The following DYRK3 variants were observed in gnomAD, a reference collection of about 807,000 sequenced individuals.
DYRK3 encodes the protein dual specificity tyrosine phosphorylation regulated kinase 3.
Under a neutral mutation model 40.8 loss-of-function variants are expected in DYRK3, and 30 were observed. The ratio of observed to expected loss-of-function variants is 0.74; its 90% confidence interval spans 0.55 to 1.00. The LOEUF (loss-of-function observed/expected upper bound fraction) is 1.00, where lower values mean the gene tolerates loss of function less well. Among genes scored for constraint, DYRK3 ranks in the 50% least tolerant of loss-of-function variants. The pLI is 0.00. For synonymous variants in DYRK3, 272 were observed against 260.7 expected, an observed-to-expected ratio of 1.04 and a Z score of -0.42; for missense variants, 699 against 731.5, an observed-to-expected ratio of 0.96 and a Z score of 0.51.
At position 206,648,290 on chromosome 1, in the gene DYRK3, G is replaced by A. The variant is rs1671524118; in HGVS notation, c.1092G>A (p.Gln364=). 13 of 1,613,738 alleles carry A rather than the reference G, an allele frequency of 8.1e-6. No homozygotes were observed. The highest frequency in any genetic ancestry group is 1.1e-5 in the Non-Finnish European group (13 of 1,179,900). ...TTGGGTCCAGCTGTTTCGAGTACCAGAAGCTCTACACATATATCCAGTCTC... is the reference window on the plus strand; with the variant it reads ...TTGGGTCCAGCTGTTTCGAGTACCAAAAGCTCTACACATATATCCAGTCTC... ...IDFGSSCFEY[Q]KLYTYIQSRF... Residue 364 remains glutamine, a synonymous_variant, in exon 3 of 3, where the codon CAG becomes CAA. Coordinates refer to ENST00000367109, the MANE Select transcript of DYRK3 (RefSeq NM_003582.4).
At position 206,642,401 on chromosome 1, in the gene DYRK3, C is replaced by G. The variant is rs547874230; in HGVS notation, c.189+4640C>G. Among the ~76,000 whole-genome samples the G allele has an allele frequency of 3.3e-5, 5 of 152,198 alleles. No individual in the cohort carries two copies. The South Asian group carries it at 1.0e-3, about 32-fold the overall frequency. On this transcript the variant is annotated intron_variant, in intron 2 of 2. Transcript: ENST00000367109. ...CCTCAAGGATCTAGAACTAGAAATA[C>G]CATTTGACCCAGCCATCCCATTACT... is the stretch of plus-strand genomic sequence containing the variant.
intron 1 of DYRK3, chr1:206,637,096 T>A: frequency 1.5e-6 from 1 of 669,602 alleles, no homozygotes; most frequent in Non-Finnish European, 2.6e-6. Flanking sequence ...AAGACAGCCT[T>A]AAAAAGGCCT....
At chr1:206,640,227 C>T (rs781817961) in intron 2 of DYRK3, among the ~76,000 whole-genome samples, 2 of 152,106 alleles carry the variant, frequency 1.3e-5, no homozygotes, top group South Asian at 2.1e-4. Flanking sequence ...TGAGCCACCA[C>T]GCCTGGCTGT....
In DYRK3 at chr1:206,653,042, GAC is replaced by G. The variant is rs1553421498; in HGVS notation, c.*4079_*4080del. Among the ~76,000 whole-genome samples the G allele has an allele frequency of 6.6e-6, 1 of 151,822 alleles. No homozygotes were observed. Among genetic ancestry groups the G allele is most frequent in the African/African-American group, 2.4e-5 (1 of 41,298 alleles). ...CTTTTTCTTTATTTTTTCTTTTTGA[GAC>G]AGAGTCTCGCTCTGTCGTCCAGGCT... On this transcript the variant is annotated 3_prime_UTR_variant, in exon 3 of 3. Transcript: ENST00000367109.
Position 206,647,490 on chromosome 1 carries a change from A to G in DYRK3, c.292A>G (p.Asn98Asp). 1 of 1,614,182 alleles carries G rather than the reference A, an allele frequency of 6.2e-7. No homozygotes were observed. Among genetic ancestry groups the G allele is most frequent in the Non-Finnish European group, 8.5e-7 (1 of 1,180,038 alleles). The stretch of plus-strand genomic sequence containing the variant: ...TCAAGAATTTGGCAACAGAAAATCC[A>G]ATACTATTCAGTCAGATGGCATCAG... ...LFQEFGNRKSNTIQSDGISDS... is the reference protein window; with the variant it reads ...LFQEFGNRKSDTIQSDGISDS... Residue 98 changes from asparagine (N) to aspartate (D), a missense_variant, in exon 3 of 3, where the codon AAT (asparagine) becomes GAT (aspartate). Coordinates refer to ENST00000367109, the MANE Select transcript of DYRK3 (RefSeq NM_003582.4).
chr1:206,644,918 A>G (rs1671407127), intron 2 of DYRK3, among the ~76,000 whole-genome samples: 1 of 152,186 alleles, frequency 6.6e-6, no homozygotes, highest in East Asian at 1.9e-4. Flanking sequence ...GAGAGACTAT[A>G]TGTACTTGGG....
Position 206,635,631 on chromosome 1 carries a change from T to C in DYRK3, c.-73T>C. On this transcript the variant is annotated 5_prime_UTR_variant, in exon 1 of 3. Coordinates refer to ENST00000367109, the MANE Select transcript of DYRK3 (RefSeq NM_003582.4). ...GAGCGTCGCGCCGCGGAGGCAGCCG[T>C]CCCGGCGTAGGTGGCGTGGCCGACC... 1 of 1,239,494 alleles carries C rather than the reference T, an allele frequency of 8.1e-7. No homozygotes were observed. The allele number at this position is 1,239,494 out of a possible 1,614,324, so 76.8% of individuals were successfully genotyped here.
Position 206,648,227 on chromosome 1 carries a change from G to A in DYRK3, c.1029G>A (p.Leu343=), listed in dbSNP as rs782777177. The part of the protein sequence containing the change: ...HCDLKPENIL[L]KHHGRSSTKV... ...ATCTGAAGCCAGAAAACATTCTCCT[G>A]AAACACCACGGGCGCAGTTCAACCA... is the stretch of plus-strand genomic sequence containing the variant. The change falls in exon 3 of 3, where the codon CTG becomes CTA. Residue 343 remains leucine, a synonymous_variant. Transcript: ENST00000367109. 1 of 1,614,160 alleles carries A rather than the reference G, an allele frequency of 6.2e-7. No homozygotes were observed. The highest frequency in any genetic ancestry group is 1.1e-5 in the South Asian group (1 of 91,080).
At chr1:206,636,012 A>G in intron 1 of DYRK3, 1 of 1,438,040 alleles carries the variant, frequency 7.0e-7, no homozygotes. Flanking sequence ...TAGAGCAAGA[A>G]GAATTTCCAC....
rs1553420064 is a variant in DYRK3, at chr1:206,646,091, C to A, written c.190-1297C>A. ...TATCGAACTTCTAACCTCAAGTGAT[C>A]CACCTGCCTTGGCCTCCCAGAGTGC... On this transcript the variant is annotated intron_variant, in intron 2 of 2. Transcript: ENST00000367109. Among the ~76,000 whole-genome samples the A allele has an allele frequency of 2.6e-5, 4 of 152,162 alleles. No individual in the cohort carries two copies. The South Asian group carries it at 6.2e-4, about 24-fold the overall frequency.
chr1:206,635,978 C>T lies in DYRK3; in HGVS notation c.77+198C>T, dbSNP rs1469856448. On this transcript the variant is annotated intron_variant, in intron 1 of 2. Transcript: ENST00000367109. ...CCCCCCATCCCTGTCTCACCGGGCG[C>T]GGGGGACGGGGCTAGAGCGGAGTTA... 4 of 1,341,124 alleles carry T rather than the reference C, an allele frequency of 3.0e-6. No individual in the cohort carries two copies. In the Admixed American group the frequency reaches 9.9e-5, roughly 33 times the overall value. 83.1% of individuals were successfully genotyped at this position (1,341,124 alleles called of 1,614,324 possible).
chr1:206,640,622 C>T (rs1166820050), intron 2 of DYRK3, among the ~76,000 whole-genome samples: 1 of 147,630 alleles, frequency 6.8e-6, no homozygotes, highest in Non-Finnish European at 1.5e-5. Context: ...ACTATCTCGG[C>T]TCATTGCAAG....
chr1:206,642,855 C>T (rs1163084787), intron 2 of DYRK3, among the ~76,000 whole-genome samples: 2 of 151,942 alleles, frequency 1.3e-5, no homozygotes, highest in Non-Finnish European at 2.9e-5. Flanking sequence ...AGCACACCAA[C>T]ATGGCACATG....
chr1:206,649,942 C>CA lies in DYRK3; in HGVS notation c.*978dup, dbSNP rs1180271410. Among the ~76,000 whole-genome samples, 1 of 152,212 alleles carries CA rather than the reference C, an allele frequency of 6.6e-6. No homozygotes were observed. The highest frequency in any genetic ancestry group is 1.5e-5 in the Non-Finnish European group (1 of 68,038). On this transcript the variant is annotated 3_prime_UTR_variant, in exon 3 of 3. Coordinates refer to ENST00000367109, the MANE Select transcript of DYRK3 (RefSeq NM_003582.4). ...CTTCAATGTGCCACATTTTTCCCCC[C>CA]ACTTTCACGTTAAGCTTAATGCTAT...
Position 206,652,046 on chromosome 1 carries a change from T to C in DYRK3, c.*3081T>C, listed in dbSNP as rs556601977. On this transcript the variant is annotated 3_prime_UTR_variant, in exon 3 of 3. Coordinates refer to ENST00000367109, the MANE Select transcript of DYRK3 (RefSeq NM_003582.4). ...GCTGACACTGTCTTCCAAGAGTGAA[T>C]GCATTGGCCTTTGGAACTGCTGCTA... Among the ~76,000 whole-genome samples, 96 of 152,258 alleles carry C rather than the reference T, an allele frequency of 6.3e-4. No individual in the cohort carries two copies. The highest frequency in any genetic ancestry group is 2.1e-3 in the African/African-American group (88 of 41,538).
At chr1:206,640,028 G>A (rs1005130993) in intron 2 of DYRK3, among the ~76,000 whole-genome samples, 6 of 145,362 alleles carry the variant, frequency 4.1e-5, no homozygotes, top group Non-Finnish European at 7.5e-5. Context: ...TCCATCTCCC[G>A]GGTTCAAGCA....
At position 206,655,124 on chromosome 1, in the gene DYRK3, G is replaced by A. The variant is rs1671720951; in HGVS notation, c.*6159G>A. ...AGTCAGTGGTTTTTTATTTTGGGGT[G>A]TTTTTTAAAAAATAAAAATGAATTG... On this transcript the variant is annotated 3_prime_UTR_variant, in exon 3 of 3. Coordinates refer to ENST00000367109, the MANE Select transcript of DYRK3 (RefSeq NM_003582.4). Among the ~76,000 whole-genome samples, 1 of 152,162 alleles carries A rather than the reference G, an allele frequency of 6.6e-6. No homozygotes were observed. Among genetic ancestry groups the A allele is most frequent in the Non-Finnish European group, 1.5e-5 (1 of 68,016 alleles).
chr1:206,648,637 G>T lies in DYRK3; in HGVS notation c.1439G>T (p.Ser480Ile). 1 of 1,613,690 alleles carries T rather than the reference G, an allele frequency of 6.2e-7. No homozygotes were observed. The highest frequency in any genetic ancestry group is 8.5e-7 in the Non-Finnish European group (1 of 1,179,722). The change falls in exon 3 of 3, where the codon AGC (serine) becomes ATC (isoleucine). Residue 480 changes from serine to isoleucine, a missense_variant. Physicochemically the swap from Ser to Ile is moderately radical, Grantham distance 142. Coordinates refer to ENST00000367109, the MANE Select transcript of DYRK3 (RefSeq NM_003582.4). The part of the protein sequence containing the change: ...RRGKKRGPPG[S>I]KDWGTALKGC... ...GGTAAAAAGCGGGGTCCCCCAGGCAGCAAAGACTGGGGGACAGCACTGAAA... is the reference window on the plus strand; with the variant it reads ...GGTAAAAAGCGGGGTCCCCCAGGCATCAAAGACTGGGGGACAGCACTGAAA...
rs1388407439 is a variant in DYRK3, at chr1:206,654,075, TAGC to T, written c.*5114_*5116del. On this transcript the variant is annotated 3_prime_UTR_variant, in exon 3 of 3. Coordinates refer to ENST00000367109, the MANE Select transcript of DYRK3 (RefSeq NM_003582.4). ...TTAAAGTTAAATGCTAAATTTTAGGTAGCAGCTGATAAATGGTTCTAAGCTTTC... is the reference window on the plus strand; with the variant it reads ...TTAAAGTTAAATGCTAAATTTTAGGTAGCTGATAAATGGTTCTAAGCTTTC... Among the ~76,000 whole-genome samples, 1 of 152,252 alleles carries T rather than the reference TAGC, an allele frequency of 6.6e-6. No individual in the cohort carries two copies. Among genetic ancestry groups the T allele is most frequent in the Admixed American group, 6.5e-5 (1 of 15,292 alleles).
Sources: allele counts gnomAD v4.1 joint callset (sites outside exome capture counted in the v4.1 genomes callset), GRCh38; gene constraint gnomAD v4.1.1; transcripts MANE v1.5; gene names NCBI Gene and HGNC (gene_info 2026-07-23, HGNC 2026-07-21).